ARHGEF3: variants seen among roughly 807,000 people sequenced by gnomAD.
ARHGEF3 encodes 59.8 kDA protein.
In ARHGEF3, 28 loss-of-function variants were observed where a neutral mutation model predicts 63.2. The ratio of observed to expected loss-of-function variants is 0.44; its 90% CI spans 0.33 to 0.61. The LOEUF (loss-of-function observed/expected upper bound fraction) is 0.61, where lower values mean the gene tolerates loss of function less well. ARHGEF3 is among the 20% of genes least tolerant of loss of function. The probability of loss-of-function intolerance (pLI) is 0.03; values close to 1 mark genes in which losing one functional copy is unlikely to be tolerated. For missense variants in ARHGEF3, 533 were observed against 659.3 expected (o/e 0.81, Z 2.10); for synonymous variants, 266 against 254.2 (o/e 1.05, Z -0.44).
chr3:56,842,140 C>G (rs62249814), intron 4 of ARHGEF3, among the ~76,000 whole-genome samples: 12,917 of 152,248 alleles, frequency 0.085, 805 homozygotes, highest in Admixed American at 0.21. Flanking sequence ...AATTTGAACT[C>G]AGTTCCTCCC....
rs1310637124 is a variant in ARHGEF3, at chr3:56,840,205, C to G, written c.192+42087G>C. 3.9e-5 allele frequency among the ~76,000 whole-genome samples: 6 copies of G among 152,174 alleles called. No individual in the cohort carries two copies. In the East Asian group the frequency reaches 1.2e-3, roughly 29 times the overall value. On this transcript the variant is annotated intron_variant, in intron 4 of 12. Transcript: ENST00000338458. The stretch of plus-strand genomic sequence containing the variant: ...TGCTAGACTCAGTGAAAAAGGCATG[C>G]AGTGCCTAGGAGAGCCAGCCAACAA...
chr3:57,037,698 A>C (rs7611974), intron 1 of ARHGEF3, among the ~76,000 whole-genome samples: 53,962 of 151,896 alleles, frequency 0.36, 9,937 homozygotes, highest in African/African-American at 0.43. Flanking sequence ...CACGGTGAAA[A>C]CCCGTCTCTA....
intron 2 of ARHGEF3, among the ~76,000 whole-genome samples, chr3:57,010,145 C>A (rs569265462): frequency 6.6e-6 from 1 of 152,152 alleles, no homozygotes; most frequent in Non-Finnish European, 1.5e-5. Flanking sequence ...GTCTTCTATA[C>A]CCTCTTCCAT....
At chr3:56,855,426 G>C (rs2039837038) in intron 4 of ARHGEF3, among the ~76,000 whole-genome samples, 1 of 152,182 alleles carries the variant, frequency 6.6e-6, no homozygotes, top group South Asian at 2.1e-4. Context: ...GTTCCTGCCT[G>C]TAATCCTAGC....
At chr3:56,869,971 T>A (rs1285188553) in intron 4 of ARHGEF3, among the ~76,000 whole-genome samples, 1 of 152,014 alleles carries the variant, frequency 6.6e-6, no homozygotes, top group Non-Finnish European at 1.5e-5. Context: ...AATTTATATA[T>A]ATATATATTT....
At chr3:56,786,958 A>G (rs955670926) in intron 1 of ARHGEF3, among the ~76,000 whole-genome samples, 1 of 152,198 alleles carries the variant, frequency 6.6e-6, no homozygotes, top group African/African-American at 2.4e-5. Flanking sequence ...AGGGATGTCA[A>G]TAAAAGTTTC....
intron 1 of ARHGEF3, among the ~76,000 whole-genome samples, chr3:57,056,868 TC>T (rs558686611): frequency 4.4e-4 from 67 of 152,034 alleles, no homozygotes; most frequent in African/African-American, 1.6e-3. Context: ...AATCCTTCTA[TC>T]CCACCATGGT....
intron 1 of ARHGEF3, chr3:57,079,064 AGGTGGGAGTGGG>A: frequency 3.1e-6 from 1 of 319,750 alleles, no homozygotes; most frequent in East Asian, 4.5e-5. Flanking sequence ...GGTAACTCGG[AGGTGGGAGTGGG>A]GGTCCAGCTC....
chr3:56,801,994 A>C, upstream of ARHGEF3: 3 of 591,214 alleles, frequency 5.1e-6, no homozygotes, highest in African/African-American at 1.9e-5. Context: ...CCACGCCTTG[A>C]TGGGTGGGGA....
rs188982906 is a variant in ARHGEF3, at chr3:57,071,141, A to G, written c.-28+8085T>C. ...TATAGATGAATGGACTAGAATTGAGAATGCAGAAATAAATGCTTACATTTA... is the reference window on the plus strand; with the variant it reads ...TATAGATGAATGGACTAGAATTGAGGATGCAGAAATAAATGCTTACATTTA... On this transcript the variant is annotated intron_variant, in intron 1 of 12. Transcript: ENST00000338458. 1.9e-3 allele frequency among the ~76,000 whole-genome samples: 287 copies of G among 152,328 alleles called. 4 individuals are homozygous for G. The highest frequency in any genetic ancestry group is 6.8e-3 in the Middle Eastern group (2 of 294).
At chr3:56,907,912 T>G (rs1193621863) in intron 3 of ARHGEF3, among the ~76,000 whole-genome samples, 1 of 152,116 alleles carries the variant, frequency 6.6e-6, no homozygotes, top group Admixed American at 6.5e-5. Flanking sequence ...AAATAACTAA[T>G]GGGTACTGGG....
At chr3:57,009,273 G>A (rs1702587689) in intron 2 of ARHGEF3, among the ~76,000 whole-genome samples, 2 of 152,172 alleles carry the variant, frequency 1.3e-5, no homozygotes, top group Admixed American at 1.3e-4. Flanking sequence ...AAAAAAAATA[G>A]TACCAAAAAA....
intron 2 of ARHGEF3, among the ~76,000 whole-genome samples, chr3:56,967,673 CTTATTATA>C (rs1328572487): frequency 2.9e-5 from 2 of 68,186 alleles, no homozygotes; most frequent in African/African-American, 1.2e-4. Context: ...ATATATAATA[CTTATTATA>C]TTATATATAA....
At chr3:56,966,833 C>G (rs1333435176) in intron 2 of ARHGEF3, among the ~76,000 whole-genome samples, 1 of 150,038 alleles carries the variant, frequency 6.7e-6, no homozygotes, top group Admixed American at 6.7e-5. Flanking sequence ...CACCCTCTGT[C>G]AGCCTTTTTT....
chr3:56,984,918 C>T (rs1701474223), intron 2 of ARHGEF3, among the ~76,000 whole-genome samples: 1 of 152,160 alleles, frequency 6.6e-6, no homozygotes, highest in Non-Finnish European at 1.5e-5. Flanking sequence ...TTGCTACCTG[C>T]TATCAGCAAA....
chr3:56,975,521 T>A (rs2106873568), intron 2 of ARHGEF3, among the ~76,000 whole-genome samples: 2 of 152,286 alleles, frequency 1.3e-5, no homozygotes, highest in Middle Eastern at 6.8e-3. Context: ...AAATACTAAC[T>A]CATTTTGTCC....
chr3:56,917,623 G>C (rs553336818), intron 3 of ARHGEF3, among the ~76,000 whole-genome samples: 1 of 152,140 alleles, frequency 6.6e-6, no homozygotes, highest in Non-Finnish European at 1.5e-5. Flanking sequence ...AAGTGAGCTT[G>C]GCAAATGCAT....
chr3:56,836,947 T>C (rs1042963553), intron 4 of ARHGEF3, among the ~76,000 whole-genome samples: 1 of 152,010 alleles, frequency 6.6e-6, no homozygotes, highest in Non-Finnish European at 1.5e-5. Context: ...AAAAAGTCAC[T>C]GTGTAAAGGC....
chr3:56,747,048 TGC>T (rs201368312), intron 6 of ARHGEF3, among the ~76,000 whole-genome samples: 6 of 140,594 alleles, frequency 4.3e-5, no homozygotes, highest in Admixed American at 7.5e-5. Context: ...TACTTATACA[TGC>T]GCGCACACAC....
Sources: allele counts gnomAD v4.1 joint callset (sites outside exome capture counted in the v4.1 genomes callset), GRCh38; gene constraint gnomAD v4.1.1; transcripts MANE v1.5; gene names NCBI Gene and HGNC (gene_info 2026-07-23, HGNC 2026-07-21).